The following RBFOX1 variants were observed in gnomAD, a reference collection of about 807,000 sequenced individuals.
RBFOX1 encodes RNA binding protein fox-1 homolog 1.
A neutral mutation model predicts 57.7 loss-of-function variants in RBFOX1; 8 were observed. The ratio of observed to expected loss-of-function variants is 0.14; its 90% CI spans 0.08 to 0.25. RBFOX1 has a LOEUF of 0.25. RBFOX1 is among the 10% of genes least tolerant of loss of function. The pLI, the probability that RBFOX1 is intolerant of heterozygous loss-of-function variation, is 1.00. For synonymous variants in RBFOX1, 326 were observed against 222.4 expected (o/e 1.47, Z -4.15); for missense variants, 611 against 548.5 (o/e 1.11, Z -1.14).
chr16:6,570,608 G>C (rs1221556783), intron 2 of RBFOX1, among the ~76,000 whole-genome samples: 1 of 151,958 alleles, frequency 6.6e-6, no homozygotes, highest in East Asian at 1.9e-4. Context: ...TGTATCTCTA[G>C]CTTTTTTTAA....
intron 4 of RBFOX1, among the ~76,000 whole-genome samples, chr16:7,097,533 G>T (rs2061909278): frequency 1.3e-5 from 2 of 152,114 alleles, no homozygotes; most frequent in African/African-American, 4.8e-5. Context: ...GAGAATTGTG[G>T]AATCATTTCT....
chr16:5,812,447 A>G (rs1356145369), intron 3 of RBFOX1, among the ~76,000 whole-genome samples: 1 of 143,756 alleles, frequency 7.0e-6, no homozygotes, highest in Admixed American at 7.2e-5. Context: ...CAACATGATC[A>G]GTCTTTTTCT....
chr16:7,697,259 A>G (rs1446695574), intron 14 of RBFOX1, among the ~76,000 whole-genome samples: 2 of 152,064 alleles, frequency 1.3e-5, no homozygotes, highest in Admixed American at 1.3e-4. Context: ...CTGTATTTTG[A>G]TGGGAGAACA....
chr16:6,025,933 A>G (rs2095183564), intron 1 of RBFOX1, among the ~76,000 whole-genome samples: 1 of 152,130 alleles, frequency 6.6e-6, no homozygotes, highest in African/African-American at 2.4e-5. Flanking sequence ...CATGGATTGA[A>G]CTCTTCCTAT....
chr16:7,243,248 C>G (rs1468919393), intron 4 of RBFOX1, among the ~76,000 whole-genome samples: 2 of 152,114 alleles, frequency 1.3e-5, no homozygotes, highest in African/African-American at 4.8e-5. Flanking sequence ...GAATGTACCA[C>G]ATTTATTCTC....
intron 3 of RBFOX1, among the ~76,000 whole-genome samples, chr16:6,903,775 T>C (rs1327849681): frequency 2.0e-5 from 3 of 152,078 alleles, no homozygotes; most frequent in African/African-American, 7.2e-5. Flanking sequence ...CTGAGGGCCT[T>C]TCGGAGCTGC....
At chr16:7,376,620 C>T (rs975629041) in intron 4 of RBFOX1, among the ~76,000 whole-genome samples, 2 of 152,178 alleles carry the variant, frequency 1.3e-5, no homozygotes, top group Admixed American at 1.3e-4. Flanking sequence ...TTAATTACAA[C>T]TGTAATTATC....
At chr16:6,083,298 C>G (rs1298840474) in intron 1 of RBFOX1, among the ~76,000 whole-genome samples, 2 of 152,080 alleles carry the variant, frequency 1.3e-5, no homozygotes, top group Admixed American at 1.3e-4. Flanking sequence ...CTATTGCTCC[C>G]AGCCCAAATG....
chr16:6,367,670 T>C (rs2089851140), intron 2 of RBFOX1, among the ~76,000 whole-genome samples: 1 of 151,998 alleles, frequency 6.6e-6, no homozygotes, highest in South Asian at 2.1e-4. Context: ...GCTGGGGTGT[T>C]TTGCTTTCAT....
chr16:7,356,526 G>C (rs1258524267), intron 4 of RBFOX1, among the ~76,000 whole-genome samples: 1 of 152,122 alleles, frequency 6.6e-6, no homozygotes, highest in African/African-American at 2.4e-5. Flanking sequence ...GATGTCGGGT[G>C]GTAGGTGGGG....
intron 2 of RBFOX1, among the ~76,000 whole-genome samples, chr16:6,458,838 TTGCAA>T (rs2094840101): frequency 6.6e-6 from 1 of 152,232 alleles, no homozygotes. Flanking sequence ...CATCTTGCCC[TTGCAA>T]TACTTGATTC....
intron 2 of RBFOX1, among the ~76,000 whole-genome samples, chr16:6,465,320 G>GT (rs368727297): frequency 4.3e-4 from 66 of 152,294 alleles, no homozygotes; most frequent in African/African-American, 1.6e-3. Flanking sequence ...CACTCTCCGT[G>GT]TACCTTCGTA....
At chr16:5,379,040 A>G (rs1278290703) in intron 1 of RBFOX1, among the ~76,000 whole-genome samples, 1 of 151,524 alleles carries the variant, frequency 6.6e-6, no homozygotes, top group East Asian at 1.9e-4. Context: ...GGTTGGCACA[A>G]AAGTAATTGC....
intron 4 of RBFOX1, among the ~76,000 whole-genome samples, chr16:7,096,769 T>C (rs2061762374): frequency 6.6e-6 from 1 of 151,600 alleles, no homozygotes; most frequent in South Asian, 2.1e-4. Context: ...CTATCTCTAG[T>C]AAAAATACAA....
At chr16:6,220,616 C>G (rs1199225006) in intron 1 of RBFOX1, among the ~76,000 whole-genome samples, 1 of 152,074 alleles carries the variant, frequency 6.6e-6, no homozygotes, top group Non-Finnish European at 1.5e-5. Flanking sequence ...TAGCCATAAA[C>G]TATGTTTACA....
At chr16:6,060,702 G>T (rs80170137) in intron 1 of RBFOX1, among the ~76,000 whole-genome samples, 4,246 of 152,228 alleles carry the variant, frequency 0.028, 90 homozygotes, top group Middle Eastern at 0.051. Context: ...AAATATCCTA[G>T]AAGGACTCAG....
At chr16:7,214,718 ATCTT>A (rs2091744628) in intron 4 of RBFOX1, among the ~76,000 whole-genome samples, 1 of 151,980 alleles carries the variant, frequency 6.6e-6, no homozygotes. Flanking sequence ...ATACTGCGCG[ATCTT>A]TCTTTTTGCT....
chr16:5,337,207 C>T (rs1388285762), intron 1 of RBFOX1, among the ~76,000 whole-genome samples: 1 of 152,164 alleles, frequency 6.6e-6, no homozygotes, highest in Non-Finnish European at 1.5e-5. Context: ...CTTTGTGGGG[C>T]CATTGACTGG....
intron 3 of RBFOX1, among the ~76,000 whole-genome samples, chr16:6,788,677 G>A (rs1603623907): frequency 1.3e-5 from 2 of 151,676 alleles, no homozygotes; most frequent in East Asian, 1.9e-4. Flanking sequence ...GGGTTTCACC[G>A]TGTTAGCCAG....
Sources: allele counts gnomAD v4.1 joint callset (sites outside exome capture counted in the v4.1 genomes callset), GRCh38; gene constraint gnomAD v4.1.1; transcripts MANE v1.5; gene names NCBI Gene and HGNC (gene_info 2026-07-23, HGNC 2026-07-21).